The following STRBP variants were observed in gnomAD, a reference collection of about 807,000 sequenced individuals.
STRBP encodes spermatid perinuclear RNA binding protein, also known as spermatid perinuclear RNA-binding protein.
STRBP carries 13 observed loss-of-function variants against 80.1 expected under a neutral mutation model. That is an observed-to-expected ratio of 0.16 (90% confidence interval 0.11 to 0.26). The LOEUF (loss-of-function observed/expected upper bound fraction) is 0.26, where lower values mean the gene tolerates loss of function less well. Among genes scored for constraint, STRBP ranks in the 10% least tolerant of loss-of-function variants. The pLI, the probability that STRBP is intolerant of heterozygous loss-of-function variation, is 1.00. For missense variants in STRBP, 485 were observed against 815.2 expected (o/e 0.59, Z 4.93); for synonymous variants, 284 against 291.2 (o/e 0.98, Z 0.25).
intron 2 of STRBP, among the ~76,000 whole-genome samples, chr9:123,228,945 T>C (rs757431181): frequency 6.6e-6 from 1 of 152,154 alleles, no homozygotes. Flanking sequence ...TAAACGTCCA[T>C]CGACTGATGA....
rs1342806914 is a variant in STRBP, at chr9:123,160,567, C to T, written c.628-105G>A. ...AAGTAGCAAATTATTCATCAGTTAT[C>T]AGGCAAACAAAAAAATCAATTAATC... On this transcript the variant is annotated intron_variant, in intron 7 of 18. Coordinates refer to ENST00000348403, the MANE Select transcript of STRBP (RefSeq NM_018387.5). 17 of 635,402 alleles carry T rather than the reference C, an allele frequency of 2.7e-5. No homozygotes were observed. In the Admixed American group the frequency reaches 1.3e-3, roughly 47 times the overall value. 39.4% of individuals were successfully genotyped at this position (635,402 alleles called of 1,614,324 possible).
At chr9:123,211,455 G>T (rs2039706069) in intron 2 of STRBP, among the ~76,000 whole-genome samples, 1 of 152,130 alleles carries the variant, frequency 6.6e-6, no homozygotes, top group Non-Finnish European at 1.5e-5. Flanking sequence ...GGGAAACCTG[G>T]AAGTCACATA....
At chr9:123,131,898 C>G (rs2036153192) in intron 17 of STRBP, among the ~76,000 whole-genome samples, 1 of 152,170 alleles carries the variant, frequency 6.6e-6, no homozygotes, top group African/African-American at 2.4e-5. Context: ...AAAGTGAACC[C>G]TTAGGGATGT....
chr9:123,171,357 C>G (rs1378917263), intron 5 of STRBP, among the ~76,000 whole-genome samples: 3 of 152,100 alleles, frequency 2.0e-5, no homozygotes, highest in African/African-American at 7.2e-5. Flanking sequence ...AGCTAACTAA[C>G]GTACTTAGAT....
At chr9:123,229,806 C>T (rs759550484) in intron 2 of STRBP, among the ~76,000 whole-genome samples, 2 of 152,160 alleles carry the variant, frequency 1.3e-5, no homozygotes, top group Non-Finnish European at 1.5e-5. Context: ...AATCAAACAA[C>T]TGTCTAACAG....
At chr9:123,198,430 G>A (rs1395156414) in intron 2 of STRBP, among the ~76,000 whole-genome samples, 2 of 151,930 alleles carry the variant, frequency 1.3e-5, no homozygotes, top group Admixed American at 6.6e-5. Flanking sequence ...GAGCCACGGC[G>A]CCCGGCCTTT....
chr9:123,199,158 A>C (rs2039217916), intron 2 of STRBP, among the ~76,000 whole-genome samples: 1 of 152,004 alleles, frequency 6.6e-6, no homozygotes, highest in Non-Finnish European at 1.5e-5. Context: ...GATGGTCTCG[A>C]TCTTTTGACC....
intron 2 of STRBP, among the ~76,000 whole-genome samples, chr9:123,203,562 C>G (rs1395755017): frequency 2.0e-5 from 3 of 152,160 alleles, no homozygotes; most frequent in Non-Finnish European, 2.9e-5. Context: ...ACGTTCCCAC[C>G]TCAGAGCCTT....
chr9:123,127,694 G>A (rs535242096), intron 18 of STRBP, among the ~76,000 whole-genome samples: 13 of 152,174 alleles, frequency 8.5e-5, no homozygotes, highest in Non-Finnish European at 4.4e-5. Context: ...GACTGCTGGT[G>A]AAACCCACTA....
intron 1 of STRBP, among the ~76,000 whole-genome samples, chr9:123,263,574 T>G (rs374290685): frequency 6.6e-6 from 1 of 150,952 alleles, no homozygotes; most frequent in Admixed American, 6.6e-5. Flanking sequence ...ATTTTTGCTG[T>G]GTCAATCATG....
chr9:123,131,638 C>T (rs1365193834), intron 17 of STRBP, among the ~76,000 whole-genome samples: 1 of 152,232 alleles, frequency 6.6e-6, no homozygotes, highest in African/African-American at 2.4e-5. Context: ...GTTACATGCT[C>T]TCACAGCAGC....
chr9:123,234,462 A>C (rs546282461), intron 2 of STRBP, among the ~76,000 whole-genome samples: 2 of 152,240 alleles, frequency 1.3e-5, no homozygotes, highest in Admixed American at 6.5e-5. Context: ...CTTACTTCCC[A>C]AAAAGAAAAC....
intron 2 of STRBP, among the ~76,000 whole-genome samples, chr9:123,228,669 A>G (rs1351131313): frequency 6.6e-6 from 1 of 152,220 alleles, no homozygotes; most frequent in African/African-American, 2.4e-5. Context: ...AGTTTGGGAA[A>G]TAGAGGAAAA....
chr9:123,231,500 A>G (rs1452573539), intron 2 of STRBP, among the ~76,000 whole-genome samples: 4 of 152,236 alleles, frequency 2.6e-5, no homozygotes, highest in Admixed American at 6.5e-5. Context: ...ATCAAGAAAT[A>G]TAACACTGCC....
intron 1 of STRBP, among the ~76,000 whole-genome samples, chr9:123,243,265 C>CAAAAAAAAA (rs1160280485): frequency 9.4e-3 from 740 of 78,314 alleles, no homozygotes; most frequent in East Asian, 0.014. Context: ...ATCAATAAGA[C>CAAAAAAAAA]AAAAAAAAAA....
chr9:123,147,413 T>C lies in STRBP; in HGVS notation c.1139-359A>G, dbSNP rs141280528. 4.0e-3 allele frequency among the ~76,000 whole-genome samples: 610 copies of C among 152,194 alleles called. 5 individuals carry two copies. The highest frequency in any genetic ancestry group is 0.014 in the African/African-American group (579 of 41,526). ...CTTTTTGGCCAGGCACAGTCGCTCA[T>C]ATCTGTAATCCCAGCACTTGGAGAG... is the stretch of plus-strand genomic sequence containing the variant. On this transcript the variant is annotated intron_variant, in intron 12 of 18. Transcript: ENST00000348403.
rs1197016787 is a variant in STRBP, at chr9:123,126,834, G to A, written c.1943-1161C>T. On this transcript the variant is annotated intron_variant, in intron 18 of 18. Coordinates refer to ENST00000348403, the MANE Select transcript of STRBP (RefSeq NM_018387.5). The surrounding 1 kb of genome is among the most constrained non-coding windows in gnomAD (Gnocchi z 4.4). The stretch of plus-strand genomic sequence containing the variant: ...ATAAATGGACCAGACCTAAGTCACA[G>A]AGAGGATGAGATGGTCAGGAGACCC... Among the ~76,000 whole-genome samples, 4 of 152,206 alleles carry A rather than the reference G, an allele frequency of 2.6e-5. No homozygotes were observed. The highest frequency in any genetic ancestry group is 5.9e-5 in the Non-Finnish European group (4 of 68,032).
intron 3 of STRBP, among the ~76,000 whole-genome samples, 193 bp from the exon 4 acceptor site, chr9:123,179,420 A>G (rs1173464977): frequency 6.6e-6 from 1 of 152,188 alleles, no homozygotes; most frequent in Non-Finnish European, 1.5e-5. Flanking sequence ...CCAGAAAACA[A>G]GAGCTCTTCC....
intron 2 of STRBP, among the ~76,000 whole-genome samples, chr9:123,198,587 C>T (rs144727301): frequency 1.3e-5 from 2 of 151,744 alleles, no homozygotes; most frequent in East Asian, 3.8e-4. Context: ...TTTGCAGAAG[C>T]TTTTTAGTTT....
Sources: allele counts gnomAD v4.1 joint callset (sites outside exome capture counted in the v4.1 genomes callset), GRCh38; gene constraint gnomAD v4.1.1; non-coding constraint Gnocchi (gnomAD v3.1); transcripts MANE v1.5; gene names NCBI Gene and HGNC (gene_info 2026-07-23, HGNC 2026-07-21).